Variants in KCNQ2 observed in about 807,000 individuals in gnomAD.
KCNQ2 encodes the protein potassium voltage-gated channel subfamily Q member 2, also known as potassium voltage-gated channel subfamily KQT member 2.
A neutral mutation model predicts 84.8 loss-of-function variants in KCNQ2; 14 were observed. The ratio of observed to expected loss-of-function variants is 0.17; its 90% CI spans 0.11 to 0.26. The LOEUF (loss-of-function observed/expected upper bound fraction) is 0.26, where lower values mean the gene tolerates loss of function less well. KCNQ2 is among the 10% of genes least tolerant of loss of function. The pLI, the probability that KCNQ2 is intolerant of heterozygous loss-of-function variation, is 1.00. For synonymous variants in KCNQ2, 599 were observed against 554.1 expected (o/e 1.08, Z -1.14); for missense variants, 788 against 1,254.0 (o/e 0.63, Z 5.61).
rs184797149 is a variant in KCNQ2, at chr20:63,400,568, C to T, written c.*6076G>A. 9 of 398,502 alleles carry T rather than the reference C, an allele frequency of 2.3e-5. No homozygotes were observed. Among genetic ancestry groups the T allele is most frequent in the Admixed American group, 1.8e-4 (4 of 22,736 alleles). 24.7% of individuals were successfully genotyped at this position (398,502 alleles called of 1,614,324 possible). A position where few individuals can be genotyped will look rare whatever the true frequency, so the allele number is the denominator to read the frequency against. ...CACATACAAAATGGTCAGAAGTGTA[C>T]GTCGGTACTGAAGGCATTATGAAAT... On this transcript the variant is annotated 3_prime_UTR_variant, in exon 17 of 17. Transcript: ENST00000359125. The surrounding 1 kb of genome is among the most constrained non-coding windows in gnomAD (Gnocchi z 8.7).
Position 63,406,560 on chromosome 20 carries a change from G to A in KCNQ2, c.*84C>T. The stretch of plus-strand genomic sequence containing the variant: ...GCCACACTCAGTTACTGTAAGAAAA[G>A]GGCCCCAGAGGGTTCCCGCCTCAAA... On this transcript the variant is annotated 3_prime_UTR_variant, in exon 17 of 17. Coordinates refer to ENST00000359125, the MANE Select transcript of KCNQ2 (RefSeq NM_172107.4). The A allele has an allele frequency of 2.1e-6, 3 of 1,428,754 alleles. No homozygotes were observed. The highest frequency in any genetic ancestry group is 2.8e-6 in the Non-Finnish European group (3 of 1,085,520). The allele number at this position is 1,428,754 out of a possible 1,614,324, so 88.5% of individuals were successfully genotyped here. A position where few individuals can be genotyped will look rare whatever the true frequency, so the allele number is the denominator to read the frequency against.
rs772301648 is a variant in KCNQ2 at position 63,406,864 on chromosome 20, C to T, written c.2399G>A (p.Arg800His). 13 of 1,612,228 alleles carry T rather than the reference C, an allele frequency of 8.1e-6. No individual in the cohort carries two copies. The highest frequency in any genetic ancestry group is 4.5e-5 in the East Asian group (2 of 44,882). ...GGAGATGCTGAAGCCGCTGAAGGAA[C>T]GCTCCAGCTCCTCGTGGTCCACGGA... ...IPSVDHEELE[R>H]SFSGFSISQS... Residue 800 changes from arginine to histidine, a missense_variant, in exon 17 of 17, where the codon CGT (arginine) becomes CAT (histidine). Around this residue, in one of 8 missense-constraint regions of KCNQ2, gnomAD observed 378 missense variants for 434.5 expected, o/e 0.87. Transcript: ENST00000359125.
intron 11 of KCNQ2, 172 bp downstream of exon 11, chr20:63,424,005 T>A: frequency 1.5e-6 from 1 of 679,504 alleles, no homozygotes; most frequent in South Asian, 1.8e-5. Context: ...GAAGAGTGAT[T>A]TAAGGGCCCA....
chr20:63,469,829 C>G (rs573495722), intron 1 of KCNQ2, among the ~76,000 whole-genome samples: 1 of 152,256 alleles, frequency 6.6e-6, no homozygotes, highest in Non-Finnish European at 1.5e-5. Context: ...ATGGGGCCAT[C>G]AGGCCTCCCA....
At chr20:63,442,833 C>CCACCACCACCACCAT (rs2081234133) in intron 4 of KCNQ2, among the ~76,000 whole-genome samples, 1 of 66,286 alleles carries the variant, frequency 1.5e-5, no homozygotes, top group Non-Finnish European at 3.3e-5. Context: ...ATCACCATCA[C>CCACCACCACCACCAT]CACCACCACC....
intron 15 of KCNQ2, chr20:63,411,003 A>C (rs1281006742): frequency 8.8e-6 from 4 of 456,276 alleles, no homozygotes; most frequent in Non-Finnish European, 1.8e-5. Flanking sequence ...AGTCTGAGTT[A>C]ATCACTAAAG....
intron 12 of KCNQ2, among the ~76,000 whole-genome samples, chr20:63,417,920 G>A (rs1464132045): frequency 6.6e-6 from 1 of 152,234 alleles, no homozygotes; most frequent in Admixed American, 6.5e-5. Context: ...CCGGCGGGAA[G>A]GAGCCTGCCC....
At chr20:63,450,702 G>T (rs2081589127) in intron 1 of KCNQ2, among the ~76,000 whole-genome samples, 1 of 151,576 alleles carries the variant, frequency 6.6e-6, no homozygotes, top group Non-Finnish European at 1.5e-5. Context: ...AGCCGAGGCT[G>T]CGGGGGCTTG....
intron 12 of KCNQ2, among the ~76,000 whole-genome samples, chr20:63,415,780 C>G (rs1056727353): frequency 6.6e-6 from 1 of 152,198 alleles, no homozygotes; most frequent in Admixed American, 6.5e-5. Flanking sequence ...CTTCCTCGGG[C>G]ACCTCTGTCT....
At chr20:63,437,136 T>C (rs547951094) in intron 7 of KCNQ2, among the ~76,000 whole-genome samples, 1 of 152,316 alleles carries the variant, frequency 6.6e-6, no homozygotes, top group South Asian at 2.1e-4. Flanking sequence ...ACTCGCTTTA[T>C]TGCCGTATCT....
rs2080746326 is a variant in KCNQ2 at position 63,430,022 on chromosome 20, C to T, written c.1148+1318G>A. ...TGGGCGCAGCAGAGCCCAGCCTGGC[C>T]GGAGTCTGTCTGGGGGCCACAGGTG... On this transcript the variant is annotated intron_variant, in intron 9 of 16. Transcript: ENST00000359125. Among the ~76,000 whole-genome samples the T allele has an allele frequency of 1.3e-5, 2 of 152,214 alleles. 1 individual carries two copies. Among genetic ancestry groups the T allele is most frequent in the South Asian group, 4.1e-4 (2 of 4,836 alleles).
chr20:63,419,844 A>G (rs1185058452), intron 11 of KCNQ2, among the ~76,000 whole-genome samples, 172 bp from the exon 12 acceptor site: 1 of 152,114 alleles, frequency 6.6e-6, no homozygotes, highest in Non-Finnish European at 1.5e-5. Context: ...CACCGTCCGG[A>G]GAAGAAAACA....
At chr20:63,443,036 C>T (rs1408788370) in intron 4 of KCNQ2, among the ~76,000 whole-genome samples, 9 of 34,006 alleles carry the variant, frequency 2.6e-4, no homozygotes, top group South Asian at 1.0e-3. Flanking sequence ...CACATCACCA[C>T]CACCATCACC....
chr20:63,411,684 A>C, intron 15 of KCNQ2: 1 of 525,060 alleles, frequency 1.9e-6, no homozygotes, highest in Non-Finnish European at 3.4e-6. Flanking sequence ...TGTCCCGGGG[A>C]AAGGGTGGTA....
intron 1 of KCNQ2, among the ~76,000 whole-genome samples, chr20:63,458,196 C>G (rs1488751564): frequency 6.6e-6 from 1 of 152,162 alleles, no homozygotes; most frequent in African/African-American, 2.4e-5. Flanking sequence ...ACTGCCCCAT[C>G]CCAACCCACT....
chr20:63,451,029 T>C (rs1330388876), intron 1 of KCNQ2, among the ~76,000 whole-genome samples: 2 of 151,162 alleles, frequency 1.3e-5, no homozygotes, highest in Admixed American at 1.3e-4. Flanking sequence ...TCCCAGCTAC[T>C]TGGAAGGCTG....
In KCNQ2 at chr20:63,444,634, C is replaced by CGCCA. The variant is rs2081357512; in HGVS notation, c.690+21_690+24dup. The CGCCA allele has an allele frequency of 5.3e-6, 8 of 1,514,048 alleles. No homozygotes were observed. The South Asian group carries it at 8.7e-5, about 17-fold the overall frequency. The allele number at this position is 1,514,048 out of a possible 1,614,324, so 93.8% of individuals were successfully genotyped here. ...ACTCTCGCTGGCTGGGGGCGCCCACCGCCAGCCTTGGGGCCGTGACTCACC... is the reference window on the plus strand; with the variant it reads ...ACTCTCGCTGGCTGGGGGCGCCCACCGCCAGCCAGCCTTGGGGCCGTGACTCACC... On this transcript the variant is annotated intron_variant, in intron 4 of 16. Coordinates refer to ENST00000359125, the MANE Select transcript of KCNQ2 (RefSeq NM_172107.4).
intron 1 of KCNQ2, among the ~76,000 whole-genome samples, chr20:63,451,942 T>C (rs974612633): frequency 2.0e-5 from 3 of 152,226 alleles, no homozygotes; most frequent in Admixed American, 2.0e-4. Flanking sequence ...TCCCAAGATC[T>C]GCCCCGGGAA....
chr20:63,424,417 G>T (rs893793065), intron 10 of KCNQ2: 1 of 603,046 alleles, frequency 1.7e-6, no homozygotes, highest in East Asian at 2.8e-5. Flanking sequence ...AGGCAGCTCC[G>T]AGAGGGAAGA....
Sources: gnomAD v4.1 joint callset for allele counts (sites outside exome capture counted in the v4.1 genomes callset) on GRCh38, gnomAD v4.1.1 for gene constraint, gnomAD v4.1.1 regional missense constraint, Gnocchi (gnomAD v3.1) non-coding constraint, MANE v1.5 for transcripts, NCBI Gene and HGNC (gene_info 2026-07-23, HGNC 2026-07-21) for gene names.